The following NOX4 variants were observed in gnomAD, a reference collection of about 807,000 sequenced individuals.
The protein encoded by NOX4 is NADPH oxidase 4.
A neutral mutation model predicts 87.6 loss-of-function variants in NOX4; 69 were observed. The ratio of observed to expected loss-of-function variants is 0.79; its 90% CI spans 0.65 to 0.96. The LOEUF is 0.96. Ranked by LOEUF, NOX4 falls within the 40% of genes least tolerant of loss-of-function variation. NOX4 has a pLI of 0.00. For synonymous variants in NOX4, 275 were observed against 238.2 expected (o/e 1.15, Z -1.42); for missense variants, 680 against 681.5 (o/e 1.00, Z 0.02).
chr11:89,470,721 C>T (rs966911046), intron 2 of NOX4, among the ~76,000 whole-genome samples: 1 of 152,142 alleles, frequency 6.6e-6, no homozygotes, highest in Non-Finnish European at 1.5e-5. Context: ...TCTAGTCCAA[C>T]CTCCTTTTTT....
chr11:89,583,394 A>G, the NOX4 span, among the ~76,000 whole-genome samples: 1 of 152,184 alleles, frequency 6.6e-6, no homozygotes, highest in African/African-American at 2.4e-5. Flanking sequence ...TCTTTCTTGA[A>G]TGGGATAAGT....
chr11:89,358,855 G>C (rs1938290822), intron 12 of NOX4, among the ~76,000 whole-genome samples: 1 of 151,382 alleles, frequency 6.6e-6, no homozygotes, highest in Non-Finnish European at 1.5e-5. Flanking sequence ...TGTTTCTTAA[G>C]AAAATGGCAC....
At chr11:89,384,700 C>A (rs186053081) in intron 11 of NOX4, among the ~76,000 whole-genome samples, 20 of 152,280 alleles carry the variant, frequency 1.3e-4, no homozygotes, top group African/African-American at 4.1e-4. Context: ...CTAGCTCTCC[C>A]TAACTCATCC....
At chr11:89,374,346 A>C (rs890125186) in intron 11 of NOX4, among the ~76,000 whole-genome samples, 2 of 152,166 alleles carry the variant, frequency 1.3e-5, no homozygotes, top group African/African-American at 4.8e-5. Context: ...GCTGACTAAC[A>C]TCCTGTTGGA....
chr11:89,384,961 C>T (rs572660872), intron 11 of NOX4, among the ~76,000 whole-genome samples: 7 of 152,208 alleles, frequency 4.6e-5, no homozygotes, highest in South Asian at 2.1e-4. Flanking sequence ...CTTGGTTTAT[C>T]GATGGCAGTT....
chr11:89,466,884 T>A (rs1352214767), intron 2 of NOX4, among the ~76,000 whole-genome samples: 2 of 152,036 alleles, frequency 1.3e-5, no homozygotes, highest in African/African-American at 4.8e-5. Flanking sequence ...GGGACATCCA[T>A]GCAGGGAAAA....
intron 3 of NOX4, among the ~76,000 whole-genome samples, chr11:89,450,719 C>G (rs1389885608): frequency 3.0e-5 from 4 of 131,924 alleles, no homozygotes; most frequent in Admixed American, 2.5e-4. Context: ...CCATCCCTCC[C>G]CCCTCCCCCT....
intron 2 of NOX4, among the ~76,000 whole-genome samples, chr11:89,475,361 G>C (rs913882486): frequency 2.0e-5 from 3 of 152,014 alleles, no homozygotes; most frequent in East Asian, 3.9e-4. Context: ...GGTAGGGCAA[G>C]TCTTAAAAAT....
At chr11:89,385,855 G>A (rs1306970731) in intron 11 of NOX4, among the ~76,000 whole-genome samples, 1 of 152,128 alleles carries the variant, frequency 6.6e-6, no homozygotes, top group Admixed American at 6.5e-5. Context: ...GTCTGAGAAG[G>A]TAACCATGGT....
the NOX4 span, among the ~76,000 whole-genome samples, chr11:89,556,532 AG>A: frequency 2.9e-5 from 3 of 102,872 alleles, no homozygotes; most frequent in African/African-American, 3.7e-5. Context: ...AGGGGAAGGG[AG>A]GGGAAGGGAG....
chr11:89,511,415 A>G, the NOX4 span, among the ~76,000 whole-genome samples: 2 of 151,718 alleles, frequency 1.3e-5, no homozygotes, highest in African/African-American at 4.8e-5. Context: ...TCTTCCCCCT[A>G]TCCTCTGGTA....
intron 7 of NOX4, among the ~76,000 whole-genome samples, chr11:89,423,906 AT>A (rs1328810806): frequency 6.6e-6 from 1 of 151,886 alleles, no homozygotes; most frequent in Admixed American, 6.6e-5. Flanking sequence ...AATAAATACA[AT>A]TAAAAAAAAT....
chr11:89,527,227 C>T, the NOX4 span, among the ~76,000 whole-genome samples: 2 of 152,150 alleles, frequency 1.3e-5, no homozygotes, highest in Non-Finnish European at 2.9e-5. Context: ...GGTGCTCTTA[C>T]AAGCATTCAG....
intron 11 of NOX4, among the ~76,000 whole-genome samples, chr11:89,377,989 C>T (rs1457337210): frequency 6.6e-6 from 1 of 152,272 alleles, no homozygotes; most frequent in East Asian, 1.9e-4. Context: ...GAACCTACAT[C>T]CTTCTCAGAG....
chr11:89,541,828 C>G, the NOX4 span, among the ~76,000 whole-genome samples: 1 of 152,090 alleles, frequency 6.6e-6, no homozygotes, highest in Non-Finnish European at 1.5e-5. Flanking sequence ...TCATTTATTT[C>G]TTTATTATTA....
intron 2 of NOX4, among the ~76,000 whole-genome samples, chr11:89,458,819 G>A (rs1945323681): frequency 6.6e-6 from 1 of 152,146 alleles, no homozygotes; most frequent in Admixed American, 6.6e-5. Context: ...TTCCGGGAAG[G>A]TTGCAGAGAA....
At chr11:89,572,450 A>G in the NOX4 span, among the ~76,000 whole-genome samples, 1 of 152,194 alleles carries the variant, frequency 6.6e-6, no homozygotes, top group East Asian at 1.9e-4. Flanking sequence ...ATACATTATG[A>G]CTAGTGTTTG....
chr11:89,456,276 AATGG>A (rs200592121), intron 2 of NOX4, among the ~76,000 whole-genome samples: 1 of 148,112 alleles, frequency 6.8e-6, no homozygotes, highest in Non-Finnish European at 1.5e-5. Flanking sequence ...TGAATAAATG[AATGG>A]ATGAATAGAA....
At position 89,462,677 on chromosome 11, in the gene NOX4, C is replaced by G. The variant is rs7952034; in HGVS notation, c.154-10782G>C. Among the ~76,000 whole-genome samples, 1,294 of 152,068 alleles carry G rather than the reference C, an allele frequency of 8.5e-3. 16 individuals carry two copies. Among genetic ancestry groups the G allele is most frequent in the African/African-American group, 0.029 (1,205 of 41,530 alleles). ...AATCACGTAACATCCTTGTTTCAAA[C>G]CACCCCAAAACATTAGTTCCTGAAT... On this transcript the variant is annotated intron_variant, in intron 2 of 17. Transcript: ENST00000263317.
Sources: allele counts gnomAD v4.1 joint callset (sites outside exome capture counted in the v4.1 genomes callset), GRCh38; gene constraint gnomAD v4.1.1; transcripts MANE v1.5; gene names NCBI Gene and HGNC (gene_info 2026-07-23, HGNC 2026-07-21).